Variants in TDRD9 observed in about 807,000 individuals in gnomAD.
TDRD9 encodes tudor domain containing 9, also known as ATP-dependent RNA helicase TDRD9.
A neutral mutation model predicts 172.6 loss-of-function variants in TDRD9; 124 were observed. The observed-to-expected ratio is 0.72, with a 90% confidence interval of 0.62 to 0.83. TDRD9 has a LOEUF of 0.83. Ranked by LOEUF, TDRD9 falls within the 40% of genes least tolerant of loss-of-function variation. The pLI is 0.00. For synonymous variants in TDRD9, 619 were observed against 617.1 expected, an observed-to-expected ratio of 1.00 and a Z score of -0.05; for missense variants, 1,479 against 1,714.1, an observed-to-expected ratio of 0.86 and a Z score of 2.42.
chr14:104,036,920 TC>T (rs1006567181), intron 32 of TDRD9, among the ~76,000 whole-genome samples: 1 of 152,216 alleles, frequency 6.6e-6, no homozygotes, highest in Non-Finnish European at 1.5e-5. Context: ...TGGTTGATTT[TC>T]CTCCAAACTC....
chr14:104,031,934 A>G lies in TDRD9; in HGVS notation c.3439-83A>G. The G allele has an allele frequency of 3.2e-6, 3 of 927,018 alleles. 1 individual carries two copies. Among genetic ancestry groups the G allele is most frequent in the Non-Finnish European group, 4.8e-6 (3 of 619,432 alleles). The allele number at this position is 927,018 out of a possible 1,614,324, so 57.4% of individuals were successfully genotyped here. A position where few individuals can be genotyped will look rare whatever the true frequency, so the allele number is the denominator to read the frequency against. ...ATGTCTTTTTTTTTTCCTTTAAAGA[A>G]TGAGCTGACTTTTGAGTTTTAAAAA... On this transcript the variant is annotated intron_variant, in intron 29 of 35. Transcript: ENST00000409874.
rs2032575311 is a variant in TDRD9 at position 103,962,958 on chromosome 14, G to A, written c.323-121G>A. 3 of 507,608 alleles carry A rather than the reference G, an allele frequency of 5.9e-6. No individual in the cohort carries two copies. In the East Asian group the frequency reaches 1.1e-4, roughly 18 times the overall value. 31.4% of individuals were successfully genotyped at this position (507,608 alleles called of 1,614,324 possible). On this transcript the variant is annotated intron_variant, in intron 2 of 35. Transcript: ENST00000409874. ...TTTAGCCTGTAGAAAATGTATTTTT[G>A]TATTTGAGTGTGTGTGTGTGTGTGT...
chr14:103,961,722 A>G (rs942151512), intron 2 of TDRD9, among the ~76,000 whole-genome samples: 2 of 152,272 alleles, frequency 1.3e-5, no homozygotes, highest in South Asian at 2.1e-4. Flanking sequence ...CTCTGTTTAT[A>G]TAATTGAGAA....
intron 34 of TDRD9, among the ~76,000 whole-genome samples, chr14:104,046,659 T>TC (rs1463229411): frequency 1.3e-5 from 2 of 151,994 alleles, no homozygotes; most frequent in Non-Finnish European, 2.9e-5. Context: ...TTTTTCTTTT[T>TC]TTTTGAGACA....
chr14:103,939,676 GGTTTTTTTTTTT>G (rs1460375439), intron 1 of TDRD9: 7 of 36,324 alleles, frequency 1.9e-4, no homozygotes, highest in Non-Finnish European at 2.2e-4. Context: ...AAGTTAGGAG[GGTTTTTTTTTTT>G]TTTTTTTTTT....
chr14:103,991,371 G>T, intron 9 of TDRD9, 147 bp downstream of exon 9: 2 of 839,490 alleles, frequency 2.4e-6, no homozygotes, highest in Non-Finnish European at 3.6e-6. Context: ...GTAACTTTCA[G>T]TTTGGCTTTT....
chr14:103,928,760 G>A, intron 1 of TDRD9, 36 bp downstream of exon 1: 1 of 832,642 alleles, frequency 1.2e-6, no homozygotes, highest in Non-Finnish European at 1.5e-6. Flanking sequence ...GCTGGAGGGC[G>A]GCCGGGCGAG....
chr14:103,984,103 T>C (rs1157958611), intron 7 of TDRD9, among the ~76,000 whole-genome samples: 1 of 152,202 alleles, frequency 6.6e-6, no homozygotes, highest in Non-Finnish European at 1.5e-5. Context: ...AGAGGTGTCT[T>C]GGATGCTGTT....
chr14:103,931,706 ACATGGTGAAAG>A (rs1392290329), intron 1 of TDRD9, among the ~76,000 whole-genome samples: 5 of 152,204 alleles, frequency 3.3e-5, no homozygotes, highest in Non-Finnish European at 7.4e-5. Context: ...ATGTAATGTT[ACATGGTGAAAG>A]AGATTTCGCA....
chr14:103,953,677 C>G (rs1019227528), intron 1 of TDRD9, among the ~76,000 whole-genome samples: 7 of 152,118 alleles, frequency 4.6e-5, no homozygotes, highest in African/African-American at 1.7e-4. Context: ...CAATCCAAGA[C>G]AAAGCCTGAG....
rs144562952 is a variant in TDRD9, at chr14:104,028,474, T to C, written c.3282+1535T>C. 5.6e-3 allele frequency among the ~76,000 whole-genome samples: 854 copies of C among 152,230 alleles called. 4 individuals carry two copies. The highest frequency in any genetic ancestry group is 8.8e-3 in the Non-Finnish European group (600 of 67,976). ...TGATCATTTTTCATATATTTGTTGG[T>C]TATTTGTATGTCTTCTTTTGAGAAA... On this transcript the variant is annotated intron_variant, in intron 28 of 35. Transcript: ENST00000409874.
rs1024985768 is a variant in TDRD9, at chr14:103,971,471, A to AT, written c.846+860dup. Reference sequence around the variant, plus strand: ...AGGCACCCACCACCATGCCAGGCTAATTTTTTTTTTGTAGTTTTTGGTATA... The same window carrying AT: ...AGGCACCCACCACCATGCCAGGCTAATTTTTTTTTTTGTAGTTTTTGGTATA... On this transcript the variant is annotated intron_variant, in intron 6 of 35. Coordinates refer to ENST00000409874, the MANE Select transcript of TDRD9 (RefSeq NM_153046.3). Among the ~76,000 whole-genome samples, 765 of 148,972 alleles carry AT rather than the reference A, an allele frequency of 5.1e-3. 7 individuals carry two copies. Among genetic ancestry groups the AT allele is most frequent in the African/African-American group, 0.018 (726 of 40,682 alleles).
At position 103,986,360 on chromosome 14, in the gene TDRD9, T is replaced by C. The variant is rs764951765; in HGVS notation, c.1115+40T>C. ...AGTTGGTAATGCACTTTAATGTATA[T>C]GTGATTTAAAAAATTATTCATTTGG... On this transcript the variant is annotated intron_variant, in intron 8 of 35. Coordinates refer to ENST00000409874, the MANE Select transcript of TDRD9 (RefSeq NM_153046.3). 4.3e-6 allele frequency: 6 copies of C among 1,402,854 alleles called. No individual in the cohort carries two copies. The South Asian group carries it at 6.4e-5, about 15-fold the overall frequency. 86.9% of individuals were successfully genotyped at this position (1,402,854 alleles called of 1,614,324 possible).
intron 32 of TDRD9, among the ~76,000 whole-genome samples, chr14:104,039,131 G>A (rs796223397): frequency 2.6e-5 from 4 of 152,268 alleles, no homozygotes; most frequent in African/African-American, 9.6e-5. Context: ...TTCACATGGT[G>A]GCAGCAAGGA....
At chr14:103,945,467 G>C (rs2031509397) in intron 1 of TDRD9, 1 of 152,158 alleles carries the variant, frequency 6.6e-6, no homozygotes, top group Non-Finnish European at 1.5e-5. Context: ...ATAATTCTCT[G>C]ATTACAGTAT....
At chr14:103,991,294 C>T in intron 9 of TDRD9, 70 bp downstream of exon 9, 1 of 1,502,102 alleles carries the variant, frequency 6.7e-7, no homozygotes, top group Non-Finnish European at 9.2e-7. Flanking sequence ...GTGCCTAACA[C>T]AGATTATGAA....
chr14:103,999,495 T>C (rs1317892177), intron 13 of TDRD9, among the ~76,000 whole-genome samples: 1 of 152,126 alleles, frequency 6.6e-6, no homozygotes, highest in African/African-American at 2.4e-5. Flanking sequence ...GGGTCACTTT[T>C]GGGGTCTTGG....
intron 1 of TDRD9, among the ~76,000 whole-genome samples, chr14:103,936,512 A>C (rs78200371): frequency 1.3e-5 from 2 of 152,278 alleles, no homozygotes; most frequent in East Asian, 3.9e-4. Flanking sequence ...TTACTCCTCA[A>C]GCCATGGTGG....
intron 20 of TDRD9, among the ~76,000 whole-genome samples, chr14:104,014,094 T>TG (rs1275013171): frequency 4.6e-5 from 7 of 151,682 alleles, no homozygotes; most frequent in Non-Finnish European, 8.8e-5. Context: ...CTGGGCGTGG[T>TG]GGTGGGTACC....
Sources: gnomAD v4.1 joint callset for allele counts (sites outside exome capture counted in the v4.1 genomes callset) on GRCh38, gnomAD v4.1.1 for gene constraint, MANE v1.5 for transcripts, NCBI Gene and HGNC (gene_info 2026-07-23, HGNC 2026-07-21) for gene names.